PCDHA5: variants seen among roughly 807,000 people sequenced by gnomAD.
PCDHA5 encodes the protein protocadherin alpha 5, also known as protocadherin alpha-5.
A neutral mutation model predicts 61.6 loss-of-function variants in PCDHA5; 43 were observed. The ratio of observed to expected loss-of-function variants is 0.70; its 90% CI spans 0.55 to 0.90. PCDHA5 has a LOEUF of 0.90. Among genes scored for constraint, PCDHA5 ranks in the 40% least tolerant of loss-of-function variants. PCDHA5 has a pLI of 0.00. For synonymous variants in PCDHA5, 627 were observed against 543.9 expected (o/e 1.15, Z -2.13); for missense variants, 1,298 against 1,222.7 (o/e 1.06, Z -0.92).
At chr5:140,907,100 C>T (rs1447787481) in intron 1 of PCDHA5, among the ~76,000 whole-genome samples, 2 of 152,098 alleles carry the variant, frequency 1.3e-5, no homozygotes, top group African/African-American at 4.8e-5. Flanking sequence ...GTGCCACTTC[C>T]ACTTCCACCC....
intron 1 of PCDHA5, chr5:140,841,540 C>T: frequency 1.2e-6 from 2 of 1,613,694 alleles, no homozygotes; most frequent in African/African-American, 1.3e-5. Context: ...GACACCGGGA[C>T]CTTCTGGAGG....
intron 1 of PCDHA5, among the ~76,000 whole-genome samples, chr5:140,878,611 T>A (rs1167613009): frequency 2.0e-5 from 3 of 152,236 alleles, no homozygotes; most frequent in Non-Finnish European, 4.4e-5. Context: ...TCTTCTAATG[T>A]GCATTTTACA....
chr5:140,912,723 A>C (rs781874290), intron 1 of PCDHA5, among the ~76,000 whole-genome samples: 21 of 152,256 alleles, frequency 1.4e-4, no homozygotes, highest in Admixed American at 1.1e-3. Context: ...TCCATTCAAT[A>C]TGATGTTGGC....
chr5:140,834,371 C>T (rs367564168), intron 1 of PCDHA5: 1 of 1,557,940 alleles, frequency 6.4e-7, no homozygotes, highest in Non-Finnish European at 8.7e-7. Context: ...GAAAAACAAG[C>T]CAATAATTTG....
intron 1 of PCDHA5, among the ~76,000 whole-genome samples, chr5:140,893,592 C>G (rs2064074430): frequency 6.6e-6 from 1 of 152,154 alleles, no homozygotes; most frequent in Non-Finnish European, 1.5e-5. Flanking sequence ...TTGGGAAATA[C>G]TTTATTTCTC....
At chr5:141,009,511 G>C in intron 3 of PCDHA5, 116 bp from the exon 4 acceptor site, 2 of 1,498,174 alleles carry the variant, frequency 1.3e-6, no homozygotes, top group Non-Finnish European at 1.8e-6. Context: ...CAAACAACTC[G>C]TGATTTTTCT....
At chr5:140,877,549 C>T in intron 1 of PCDHA5, 1 of 1,613,788 alleles carries the variant, frequency 6.2e-7, no homozygotes, top group Non-Finnish European at 8.5e-7. Flanking sequence ...CGAAGCGGCT[C>T]TGGTGGATAT....
intron 1 of PCDHA5, among the ~76,000 whole-genome samples, chr5:140,905,043 A>T (rs782694794): frequency 1.5e-4 from 23 of 152,126 alleles, no homozygotes; most frequent in Non-Finnish European, 5.9e-5. Flanking sequence ...TAGTTTAATT[A>T]GGTCCCATTT....
At position 141,010,922 on chromosome 5, in the gene PCDHA5, A is replaced by G. The variant is rs1263879494; in HGVS notation, c.*985A>G. The G allele has an allele frequency of 5.2e-5, 8 of 153,814 alleles. No homozygotes were observed. Among genetic ancestry groups the G allele is most frequent in the African/African-American group, 1.9e-4 (8 of 41,474 alleles). The allele number at this position is 153,814 out of a possible 1,614,324, so 9.5% of individuals were successfully genotyped here. A position where few individuals can be genotyped will look rare whatever the true frequency, so the allele number is the denominator to read the frequency against. ...TTCCCCTAAACTCTCCTCAAAAGAG[A>G]ATTCAGTCTACAGCCATTTAAATGA... On this transcript the variant is annotated 3_prime_UTR_variant, in exon 4 of 4. Transcript: ENST00000529859.
intron 1 of PCDHA5, chr5:140,836,349 G>T (rs2150258385): frequency 6.2e-7 from 1 of 1,613,710 alleles, no homozygotes; most frequent in Non-Finnish European, 8.5e-7. Context: ...GGACCACGGG[G>T]AGCCCTCGCT....
At chr5:140,876,616 A>C (rs2056459535) in intron 1 of PCDHA5, 1 of 1,614,196 alleles carries the variant, frequency 6.2e-7, no homozygotes, top group Non-Finnish European at 8.5e-7. Flanking sequence ...CTCTGGAGCC[A>C]ATGGACAGGT....
At position 140,822,801 on chromosome 5, in the gene PCDHA5, G is replaced by A. The variant is rs2150119424; in HGVS notation, c.1026G>A (p.Val342=). ...HCKVVVKLLD[V]NDNTPEMAIT... is the part of the protein sequence containing the mutation. The stretch of plus-strand genomic sequence containing the variant: ...AAGTAGTAGTGAAACTCCTGGATGT[G>A]AATGATAATACCCCAGAGATGGCCA... Residue 342 remains valine, a synonymous_variant, in exon 1 of 4, where the codon GTG becomes GTA. Transcript: ENST00000529859. The A allele has an allele frequency of 1.2e-6, 2 of 1,614,152 alleles. No homozygotes were observed. The highest frequency in any genetic ancestry group is 2.2e-5 in the East Asian group (1 of 44,884).
intron 1 of PCDHA5, 181 bp downstream of exon 1, chr5:140,824,308 G>A (rs1768081787): frequency 2.5e-6 from 2 of 784,768 alleles, no homozygotes; most frequent in South Asian, 3.5e-5. Flanking sequence ...TGGGGTAATA[G>A]ATTCATCAGC....
Position 140,889,022 on chromosome 5 carries a change from G to A in PCDHA5, c.2352+64895G>A, listed in dbSNP as rs183317307. Among the ~76,000 whole-genome samples the A allele has an allele frequency of 5.5e-3, 837 of 151,922 alleles. 11 individuals are homozygous for A. The highest frequency in any genetic ancestry group is 0.019 in the African/African-American group (781 of 41,426). ...TGGCAAACCAACCTCTACTTCCTTG[G>A]ATAACCGTAATTTGATTATAATTTA... On this transcript the variant is annotated intron_variant, in intron 1 of 3. Coordinates refer to ENST00000529859, the MANE Select transcript of PCDHA5 (RefSeq NM_018908.3).
chr5:140,927,682 T>C, intron 1 of PCDHA5: 1 of 1,613,992 alleles, frequency 6.2e-7, no homozygotes, highest in Non-Finnish European at 8.5e-7. Flanking sequence ...AGATGAAGGG[T>C]CCAATGGGGA....
chr5:140,854,977 T>TAAA (rs1554147539), intron 1 of PCDHA5, among the ~76,000 whole-genome samples: 1 of 149,962 alleles, frequency 6.7e-6, no homozygotes, highest in Non-Finnish European at 1.5e-5. Flanking sequence ...GAATTATAAT[T>TAAA]AAGATTCTTT....
intron 3 of PCDHA5, among the ~76,000 whole-genome samples, chr5:140,989,687 G>A (rs956131200): frequency 2.0e-4 from 31 of 152,176 alleles, no homozygotes; most frequent in African/African-American, 6.3e-4. Flanking sequence ...TCAAAGGAAC[G>A]TGAAAATTTT....
intron 1 of PCDHA5, among the ~76,000 whole-genome samples, chr5:140,888,357 G>C (rs2061799918): frequency 6.6e-6 from 1 of 152,138 alleles, no homozygotes; most frequent in Non-Finnish European, 1.5e-5. Flanking sequence ...ATTGCTACTG[G>C]CATCTAATAA....
At position 140,876,665 on chromosome 5, in the gene PCDHA5, T is replaced by C. The variant is rs781830697; in HGVS notation, c.2352+52538T>C. 98 of 1,614,080 alleles carry C rather than the reference T, an allele frequency of 6.1e-5. 1 individual carries two copies. The South Asian group carries it at 9.4e-4, about 16-fold the overall frequency. ...ACACCTCATGTTCCCTTCAAGCTGG[T>C]GTCCACCTACAAGAATTACTACTCG... On this transcript the variant is annotated intron_variant, in intron 1 of 3. Coordinates refer to ENST00000529859, the MANE Select transcript of PCDHA5 (RefSeq NM_018908.3).
Sources: gnomAD v4.1 joint callset for allele counts (sites outside exome capture counted in the v4.1 genomes callset) on GRCh38, gnomAD v4.1.1 for gene constraint, MANE v1.5 for transcripts, NCBI Gene and HGNC (gene_info 2026-07-23, HGNC 2026-07-21) for gene names.